Variants in GDNF observed in about 807,000 individuals in gnomAD.
GDNF encodes glial cell line-derived neurotrophic factor.
A neutral mutation model predicts 13.7 loss-of-function variants in GDNF; 5 were observed. That is an observed-to-expected ratio of 0.36 (90% CI 0.19 to 0.77). The LOEUF is 0.77. GDNF is among the 30% of genes least tolerant of loss of function. The probability of loss-of-function intolerance (pLI) is 0.51; values close to 1 mark genes in which losing one functional copy is unlikely to be tolerated. For missense variants in GDNF, 246 were observed against 274.3 expected (o/e 0.90, Z 0.73); for synonymous variants, 122 against 112.5 (o/e 1.08, Z -0.53).
intron 2 of GDNF, among the ~76,000 whole-genome samples, chr5:37,822,757 T>C (rs1750186119): frequency 6.6e-6 from 1 of 152,172 alleles, no homozygotes; most frequent in Admixed American, 6.5e-5. Flanking sequence ...CATGCGTGCA[T>C]ACATATGCGT....
At chr5:37,835,297 G>T (rs956173178) in intron 1 of GDNF, 26 of 460,508 alleles carry the variant, frequency 5.6e-5, no homozygotes, top group Middle Eastern at 6.1e-4. Flanking sequence ...AAGCAAGGAC[G>T]GTGTTTCTCT....
chr5:37,817,769 C>T (rs1749985485), intron 2 of GDNF, among the ~76,000 whole-genome samples: 1 of 152,178 alleles, frequency 6.6e-6, no homozygotes, highest in Admixed American at 6.5e-5. Context: ...CTGGCTGAAG[C>T]CCTGTCACCT....
rs2111741912 is a variant in GDNF, at chr5:37,839,545, A to T, written c.-65T>A. ...TCCGCAGACCCTAGGTTGGACATTA[A>T]CTCCAGGTGCCCCAAGTCCCAGCCA... On this transcript the variant is annotated 5_prime_UTR_variant, in exon 1 of 3. Transcript: ENST00000326524. The surrounding 1 kb of genome is among the most constrained non-coding windows in gnomAD (Gnocchi z 5.5). 6.6e-6 allele frequency: 1 copy of T among 151,666 alleles called. No homozygotes were observed. The highest frequency in any genetic ancestry group is 2.4e-5 in the African/African-American group (1 of 41,308). 9.4% of individuals were successfully genotyped at this position (151,666 alleles called of 1,614,324 possible).
chr5:37,822,181 A>C (rs1034294300), intron 2 of GDNF, among the ~76,000 whole-genome samples: 5 of 152,116 alleles, frequency 3.3e-5, no homozygotes, highest in African/African-American at 1.2e-4. Context: ...GCTCAGAGGG[A>C]CCCAGGAGAG....
chr5:37,835,427 C>G (rs1750671071), intron 1 of GDNF: 2 of 1,430,622 alleles, frequency 1.4e-6, no homozygotes, highest in Non-Finnish European at 1.8e-6. Context: ...TTCTTCCCAC[C>G]TAAATAGGTA....
intron 2 of GDNF, among the ~76,000 whole-genome samples, chr5:37,829,041 G>C (rs1306682576): frequency 6.6e-6 from 1 of 152,222 alleles, no homozygotes; most frequent in Non-Finnish European, 1.5e-5. Flanking sequence ...TGCTCCATGG[G>C]TGCCCCACTG....
intron 2 of GDNF, among the ~76,000 whole-genome samples, chr5:37,832,851 C>T (rs151053696): frequency 3.9e-5 from 6 of 152,346 alleles, no homozygotes; most frequent in African/African-American, 1.4e-4. Context: ...TGGGGTGAGA[C>T]CTAGCATCAG....
At chr5:37,834,880 C>A in intron 1 of GDNF, 58 bp from the exon 2 acceptor site, 7 of 1,514,502 alleles carry the variant, frequency 4.6e-6, no homozygotes, top group Non-Finnish European at 6.4e-6. Context: ...TAAGCCTGGG[C>A]TCCCTGCGGG....
intron 2 of GDNF, among the ~76,000 whole-genome samples, chr5:37,827,236 C>T (rs922365262): frequency 6.6e-6 from 1 of 151,034 alleles, no homozygotes; most frequent in Non-Finnish European, 1.5e-5. Context: ...ACATAAAGGA[C>T]ATAATTGCTA....
At chr5:37,828,772 T>C (rs1750420226) in intron 2 of GDNF, among the ~76,000 whole-genome samples, 1 of 152,254 alleles carries the variant, frequency 6.6e-6, no homozygotes, top group Non-Finnish European at 1.5e-5. Context: ...AAGAACTGTG[T>C]TCATCATGTG....
In GDNF at chr5:37,837,314, C is replaced by T. The variant is rs1750742003; in HGVS notation, c.-27+2193G>A. On this transcript the variant is annotated intron_variant, in intron 1 of 2. Coordinates refer to ENST00000326524, the MANE Select transcript of GDNF (RefSeq NM_000514.4). The surrounding 1 kb of genome is among the most constrained non-coding windows in gnomAD (Gnocchi z 6.5). The stretch of plus-strand genomic sequence containing the variant: ...CTTTACGCGCCGCCACGTGCGAGAA[C>T]CAAGCTCTGCTCCTCAAGTGACGGG... Among the ~76,000 whole-genome samples, 1 of 152,216 alleles carries T rather than the reference C, an allele frequency of 6.6e-6. No homozygotes were observed. Among genetic ancestry groups the T allele is most frequent in the African/African-American group, 2.4e-5 (1 of 41,464 alleles).
Position 37,834,828 on chromosome 5 carries a change from C to T in GDNF, c.-26-6G>A. On this transcript the variant is annotated splice_polypyrimidine_tract_variant and splice_region_variant and intron_variant, in intron 1 of 2. Transcript: ENST00000326524. ...GTCCCGTCCGGCGGCGGCACCTGCG[C>T]GGGCAGGCGGGAGGTGGGGGAGAGA... The T allele has an allele frequency of 6.2e-7, 1 of 1,612,250 alleles. No homozygotes were observed. Among genetic ancestry groups the T allele is most frequent in the Non-Finnish European group, 8.5e-7 (1 of 1,179,090 alleles).
At chr5:37,822,656 C>A (rs1750181021) in intron 2 of GDNF, among the ~76,000 whole-genome samples, 1 of 152,174 alleles carries the variant, frequency 6.6e-6, no homozygotes, top group Non-Finnish European at 1.5e-5. Flanking sequence ...CTTTGCCTAC[C>A]TATATTGCAG....
At chr5:37,827,948 G>A (rs1750386985) in intron 2 of GDNF, among the ~76,000 whole-genome samples, 1 of 152,166 alleles carries the variant, frequency 6.6e-6, no homozygotes, top group South Asian at 2.1e-4. Context: ...TTATTTGCAG[G>A]TTTGCAGGCA....
At chr5:37,829,989 A>G (rs1052957241) in intron 2 of GDNF, among the ~76,000 whole-genome samples, 1 of 152,232 alleles carries the variant, frequency 6.6e-6, no homozygotes, top group Non-Finnish European at 1.5e-5. Context: ...TTGTTAAAGT[A>G]TTGTTCATTC....
At chr5:37,829,925 T>C (rs1561133861) in intron 2 of GDNF, among the ~76,000 whole-genome samples, 1 of 152,174 alleles carries the variant, frequency 6.6e-6, no homozygotes, top group African/African-American at 2.4e-5. Context: ...AGTTTCTTGA[T>C]TCCAAGAGAC....
At position 37,817,494 on chromosome 5, in the gene GDNF, C is replaced by G. The variant is rs1749975652; in HGVS notation, c.152-1359G>C. ...TAGAAAGATTACATTATGTCTAACC[C>G]ATGTCAAATTGTTTTGTCATAAACC... is the stretch of plus-strand genomic sequence containing the variant. On this transcript the variant is annotated intron_variant, in intron 2 of 2. Coordinates refer to ENST00000326524, the MANE Select transcript of GDNF (RefSeq NM_000514.4). Among the ~76,000 whole-genome samples the G allele has an allele frequency of 3.3e-5, 5 of 152,200 alleles. No individual in the cohort carries two copies. In the South Asian group the frequency reaches 1.0e-3, roughly 32 times the overall value.
chr5:37,825,747 T>A (rs1466487632), intron 2 of GDNF, among the ~76,000 whole-genome samples: 2 of 152,258 alleles, frequency 1.3e-5, no homozygotes, highest in East Asian at 3.9e-4. Flanking sequence ...ATCCCTCAGC[T>A]CTTCCCAGGG....
At position 37,834,651 on chromosome 5, in the gene GDNF, C is replaced by T; in HGVS notation, c.146G>A (p.Ser49Asn). The change falls in exon 2 of 3, where the codon AGT becomes AAT. Residue 49 changes from serine to asparagine, a missense_variant. Coordinates refer to ENST00000326524, the MANE Select transcript of GDNF (RefSeq NM_000514.4). ...GGGGAGGGAACGGTTCTTACAGTCA[C>T]TGCTCAGCGCGAAGGGCGCGCGGCG... ...GRRRAPFALS[S>N]DSNMPEDYPD... The T allele has an allele frequency of 6.3e-7, 1 of 1,591,172 alleles. No homozygotes were observed. The highest frequency in any genetic ancestry group is 8.5e-7 in the Non-Finnish European group (1 of 1,169,740).
Sources: allele counts gnomAD v4.1 joint callset (sites outside exome capture counted in the v4.1 genomes callset), GRCh38; gene constraint gnomAD v4.1.1; non-coding constraint Gnocchi (gnomAD v3.1); transcripts MANE v1.5; gene names NCBI Gene and HGNC (gene_info 2026-07-23, HGNC 2026-07-21).